CLEC16A: variants seen among roughly 807,000 people sequenced by gnomAD.
The protein encoded by CLEC16A is C-type lectin domain containing 16A, also known as protein CLEC16A.
In CLEC16A, 51 loss-of-function variants were observed where a neutral mutation model predicts 109.5. The ratio of observed to expected loss-of-function variants is 0.47; its 90% CI spans 0.37 to 0.59. CLEC16A has a LOEUF of 0.59. Ranked by LOEUF, CLEC16A falls within the 20% of genes least tolerant of loss-of-function variation. The pLI is 0.00. For synonymous variants in CLEC16A, 673 were observed against 564.2 expected (o/e 1.19, Z -2.73); for missense variants, 1,339 against 1,394.0 (o/e 0.96, Z 0.63).
intron 23 of CLEC16A, among the ~76,000 whole-genome samples, chr16:11,171,908 TCA>T (rs112345238): frequency 7.0e-6 from 1 of 142,542 alleles, no homozygotes; most frequent in Admixed American, 6.9e-5. Flanking sequence ...GCATACATAG[TCA>T]CACACACCAG....
At chr16:11,062,924 C>T (rs1429339714) in intron 19 of CLEC16A, among the ~76,000 whole-genome samples, 1 of 151,958 alleles carries the variant, frequency 6.6e-6, no homozygotes, top group East Asian at 1.9e-4. Flanking sequence ...GGAGGGGGCA[C>T]TTCATCAGGG....
chr16:10,972,466 T>C (rs1184862908), intron 5 of CLEC16A, 88 bp from the exon 6 acceptor site: 2 of 1,203,264 alleles, frequency 1.7e-6, no homozygotes, highest in East Asian at 2.4e-5. Context: ...TCTGAGCAGC[T>C]CTCTCACCTT....
rs565206726 is a variant in CLEC16A, at chr16:11,115,161, C to T, written c.2117-5454C>T. Among the ~76,000 whole-genome samples, 6 of 152,216 alleles carry T rather than the reference C, an allele frequency of 3.9e-5. No individual in the cohort carries two copies. In the South Asian group the frequency reaches 6.2e-4, roughly 16 times the overall value. On this transcript the variant is annotated intron_variant, in intron 19 of 23. Coordinates refer to ENST00000409790, the MANE Select transcript of CLEC16A (RefSeq NM_015226.3). ...TGACACTGACGTGTATGACTGTGTC[C>T]GTTTTCCCAGATCAAACTCTCAGAT...
intron 19 of CLEC16A, among the ~76,000 whole-genome samples, chr16:11,108,815 T>C (rs964613639): frequency 1.4e-4 from 22 of 152,072 alleles, no homozygotes; most frequent in African/African-American, 5.1e-4. Flanking sequence ...CCATTGTCAT[T>C]GATGAAACTA....
intron 19 of CLEC16A, among the ~76,000 whole-genome samples, chr16:11,066,179 G>A (rs2048744922): frequency 6.6e-6 from 1 of 152,078 alleles, no homozygotes; most frequent in Non-Finnish European, 1.5e-5. Flanking sequence ...GACTTGCTGG[G>A]AGGAGTAGAT....
chr16:11,125,638 C>T (rs2052752908), intron 21 of CLEC16A, among the ~76,000 whole-genome samples: 1 of 152,252 alleles, frequency 6.6e-6, no homozygotes, highest in Non-Finnish European at 1.5e-5. Context: ...GGGTCTGAAA[C>T]AGCCTTTGTC....
intron 19 of CLEC16A, among the ~76,000 whole-genome samples, chr16:11,116,839 G>A (rs1239999961): frequency 6.6e-6 from 1 of 152,170 alleles, no homozygotes; most frequent in Admixed American, 6.5e-5. Context: ...TTGGGGTGAT[G>A]GAAGTATTCC....
Position 10,982,997 on chromosome 16 carries a change from T to A in CLEC16A, c.1071+6T>A, listed in dbSNP as rs779395885. On this transcript the variant is annotated splice_donor_region_variant and intron_variant, in intron 10 of 23. Coordinates refer to ENST00000409790, the MANE Select transcript of CLEC16A (RefSeq NM_015226.3). ...AGGATATTCAGAGAAGTTCTGTAAG[T>A]CATTAGCTTCGGGACTGACCTTAAC... The A allele has an allele frequency of 7.3e-6, 11 of 1,497,592 alleles. No homozygotes were observed. Among genetic ancestry groups the A allele is most frequent in the Non-Finnish European group, 1.0e-5 (11 of 1,074,364 alleles). 92.8% of individuals were successfully genotyped at this position (1,497,592 alleles called of 1,614,324 possible).
intron 13 of CLEC16A, chr16:11,027,009 T>C: frequency 6.4e-7 from 1 of 1,566,348 alleles, no homozygotes; most frequent in Non-Finnish European, 8.8e-7. Context: ...GATCAGTAGC[T>C]GCACCACTAG....
At chr16:11,043,922 G>T in intron 15 of CLEC16A, 106 bp from the exon 16 acceptor site, 2 of 735,720 alleles carry the variant, frequency 2.7e-6, no homozygotes, top group Non-Finnish European at 4.4e-6. Flanking sequence ...AAGGATATTA[G>T]TCCAGATCTG....
chr16:11,022,797 G>A (rs2046189149), intron 12 of CLEC16A, among the ~76,000 whole-genome samples: 1 of 151,584 alleles, frequency 6.6e-6, no homozygotes, highest in Admixed American at 6.6e-5. Context: ...TACTCAGGAG[G>A]CTGAGGCAGG....
chr16:10,970,915 G>A (rs2042752010), intron 4 of CLEC16A, among the ~76,000 whole-genome samples: 1 of 150,718 alleles, frequency 6.6e-6, no homozygotes, highest in South Asian at 2.1e-4. Context: ...CACGGACTTG[G>A]ACTCTTCTGT....
At chr16:10,992,808 G>C (rs1316915601) in intron 10 of CLEC16A, among the ~76,000 whole-genome samples, 3 of 152,102 alleles carry the variant, frequency 2.0e-5, no homozygotes, top group Admixed American at 6.6e-5. Flanking sequence ...CAGTAAGCCA[G>C]CTCATCCTCA....
At chr16:11,101,024 C>G (rs1241493147) in intron 19 of CLEC16A, among the ~76,000 whole-genome samples, 1 of 152,038 alleles carries the variant, frequency 6.6e-6, no homozygotes, top group Non-Finnish European at 1.5e-5. Context: ...CTGTGCTTGG[C>G]CCATAGTAGA....
intron 18 of CLEC16A, among the ~76,000 whole-genome samples, chr16:11,055,234 C>T (rs769227540): frequency 9.2e-5 from 14 of 152,176 alleles, no homozygotes; most frequent in Non-Finnish European, 1.8e-4. Flanking sequence ...TGGGTATCAA[C>T]TCACAGTCAG....
rs201574451 is a variant in CLEC16A, at chr16:11,179,708, C to T, written c.*1018C>T. 1 of 152,336 alleles carries T rather than the reference C, an allele frequency of 6.6e-6. No individual in the cohort carries two copies. Among genetic ancestry groups the T allele is most frequent in the Non-Finnish European group, 1.5e-5 (1 of 68,112 alleles). The allele number at this position is 152,336 out of a possible 1,614,324, so 9.4% of individuals were successfully genotyped here. A position where few individuals can be genotyped will look rare whatever the true frequency, so the allele number is the denominator to read the frequency against. On this transcript the variant is annotated 3_prime_UTR_variant, in exon 24 of 24. Transcript: ENST00000409790. ...CAAAGGAAGACACCCTCTACGTCAC[C>T]TGCCCTCGACTGTGTGTGCCCACAT...
rs144873917 is a variant in CLEC16A at position 11,026,961 on chromosome 16, C to G, written c.1537+2040C>G. The G allele has an allele frequency of 9.2e-5, 130 of 1,406,278 alleles. 1 individual carries two copies. In the African/African-American group the frequency reaches 1.6e-3, roughly 17 times the overall value. 87.1% of individuals were successfully genotyped at this position (1,406,278 alleles called of 1,614,324 possible). On this transcript the variant is annotated intron_variant, in intron 13 of 23. Transcript: ENST00000409790. ...GACGTCTCTATGGTCAAGTAAACAG[C>G]GCGCGTGCTGTCTTTCCCATGTGGT...
At chr16:11,121,678 G>A (rs1251442304) in intron 20 of CLEC16A, among the ~76,000 whole-genome samples, 6 of 151,434 alleles carry the variant, frequency 4.0e-5, no homozygotes, top group African/African-American at 9.7e-5. Flanking sequence ...TCAGGAGTTC[G>A]AGACCAGCCT....
chr16:11,014,125 T>C (rs1287699681), intron 11 of CLEC16A, among the ~76,000 whole-genome samples: 1 of 152,198 alleles, frequency 6.6e-6, no homozygotes, highest in Non-Finnish European at 1.5e-5. Flanking sequence ...ACCAACTTGA[T>C]TGTGTACTGA....
Sources: allele counts gnomAD v4.1 joint callset (sites outside exome capture counted in the v4.1 genomes callset), GRCh38; gene constraint gnomAD v4.1.1; transcripts MANE v1.5; gene names NCBI Gene and HGNC (gene_info 2026-07-23, HGNC 2026-07-21).